The following NT5DC1 variants were observed in gnomAD, a reference collection of about 807,000 sequenced individuals.
The protein encoded by NT5DC1 is 5'-nucleotidase domain containing 1, also known as 5'-nucleotidase domain-containing protein 1.
NT5DC1 carries 42 observed loss-of-function variants against 59.4 expected under a neutral mutation model. The observed-to-expected ratio is 0.71, with a 90% CI of 0.55 to 0.92. The LOEUF (loss-of-function observed/expected upper bound fraction) is 0.92, where lower values mean the gene tolerates loss of function less well. NT5DC1 is among the 40% of genes least tolerant of loss of function. The probability of loss-of-function intolerance (pLI) is 0.00; values close to 1 mark genes in which losing one functional copy is unlikely to be tolerated. For missense variants in NT5DC1, 501 were observed against 537.1 expected (o/e 0.93, Z 0.66); for synonymous variants, 172 against 188.1 (o/e 0.91, Z 0.70).
intron 6 of NT5DC1, among the ~76,000 whole-genome samples, chr6:116,180,814 A>C (rs1362861215): frequency 6.6e-6 from 1 of 152,082 alleles, no homozygotes; most frequent in Non-Finnish European, 1.5e-5. Flanking sequence ...GGAGAACTGT[A>C]GGTTAGAGGA....
intron 6 of NT5DC1, among the ~76,000 whole-genome samples, chr6:116,200,730 A>G (rs1426326367): frequency 6.6e-6 from 1 of 151,954 alleles, no homozygotes; most frequent in Non-Finnish European, 1.5e-5. Flanking sequence ...TATGGATCGT[A>G]CTTCATCTCT....
chr6:116,217,799 C>A lies in NT5DC1; in HGVS notation c.530-3255C>A, dbSNP rs192361241. Among the ~76,000 whole-genome samples, 25 of 152,156 alleles carry A rather than the reference C, an allele frequency of 1.6e-4. No homozygotes were observed. In the East Asian group the frequency reaches 4.4e-3, roughly 27 times the overall value. ...TCTTGCCTTTAGAAGTTTATAGTTT[C>A]TTTGGGGGATATAATTTAATAGACA... On this transcript the variant is annotated intron_variant, in intron 6 of 11. Transcript: ENST00000319550.
intron 6 of NT5DC1, among the ~76,000 whole-genome samples, chr6:116,151,136 C>T (rs976573164): frequency 2.0e-5 from 3 of 152,130 alleles, no homozygotes; most frequent in Admixed American, 1.3e-4. Flanking sequence ...ATCATCTGCT[C>T]AGCCTTCTTT....
intron 4 of NT5DC1, among the ~76,000 whole-genome samples, chr6:116,112,196 G>T (rs541544145): frequency 6.6e-6 from 1 of 152,296 alleles, no homozygotes; most frequent in Admixed American, 6.5e-5. Context: ...GAGTTTATCT[G>T]TACCTACTTG....
chr6:116,105,057 A>G (rs1778742783), intron 1 of NT5DC1, among the ~76,000 whole-genome samples: 1 of 152,182 alleles, frequency 6.6e-6, no homozygotes, highest in Non-Finnish European at 1.5e-5. Flanking sequence ...GTTGACCTGG[A>G]TAAGGTCACA....
chr6:116,144,739 G>A (rs1272977492), intron 6 of NT5DC1, among the ~76,000 whole-genome samples: 1 of 152,146 alleles, frequency 6.6e-6, no homozygotes, highest in Non-Finnish European at 1.5e-5. Context: ...AAGGGGAGTG[G>A]GTGGGATAGC....
chr6:116,154,905 TAAAAA>T (rs1157300366), intron 6 of NT5DC1, among the ~76,000 whole-genome samples: 2 of 152,116 alleles, frequency 1.3e-5, no homozygotes, highest in African/African-American at 2.4e-5. Context: ...CTTCATAAGA[TAAAAA>T]TAAAAAACAT....
At chr6:116,104,562 G>A (rs546560753) in intron 1 of NT5DC1, among the ~76,000 whole-genome samples, 79 of 152,318 alleles carry the variant, frequency 5.2e-4, no homozygotes, top group African/African-American at 1.8e-3. Flanking sequence ...ACAGGCCATG[G>A]TGGGAATATT....
chr6:116,207,835 T>A (rs562870919), intron 6 of NT5DC1, among the ~76,000 whole-genome samples: 118 of 152,074 alleles, frequency 7.8e-4, no homozygotes, highest in Admixed American at 3.5e-3. Context: ...CTTTCTTTAC[T>A]CTGTGCCTCA....
intron 6 of NT5DC1, chr6:116,137,156 T>A (rs1035232464): frequency 2.0e-5 from 4 of 196,858 alleles, no homozygotes; most frequent in Non-Finnish European, 3.5e-5. Context: ...CTTGCGTAGA[T>A]GTGGCTGCCA....
At position 116,239,073 on chromosome 6, in the gene NT5DC1, G is replaced by C. The variant is rs781218372; in HGVS notation, c.1202G>C (p.Arg401Thr). The C allele has an allele frequency of 3.1e-6, 5 of 1,612,268 alleles. No homozygotes were observed. In the Admixed American group the frequency reaches 8.3e-5, roughly 27 times the overall value. The change falls in exon 11 of 12, where the codon AGA becomes ACA. Residue 401 changes from arginine to threonine, a missense_variant. Transcript: ENST00000319550. ...TTGGTTTATACATGGTCTTGTAAGA[G>C]AATCAGTACTTACAGCACTATTGCA... ...DSLVYTWSCK[R>T]ISTYSTIAIP...
rs1771843847 is a variant in NT5DC1, at chr6:116,246,214, G to C, written c.*2190G>C. ...ACAGGCAAACATTCATAATCTAAAG[G>C]ACACCTAAAAATAGATGTAAGCGAG... On this transcript the variant is annotated 3_prime_UTR_variant, in exon 12 of 12. Coordinates refer to ENST00000319550, the MANE Select transcript of NT5DC1 (RefSeq NM_152729.3). 1 of 152,020 alleles carries C rather than the reference G, an allele frequency of 6.6e-6. No individual in the cohort carries two copies. Among genetic ancestry groups the C allele is most frequent in the South Asian group, 2.1e-4 (1 of 4,820 alleles). The allele number at this position is 152,020 out of a possible 1,614,324, so 9.4% of individuals were successfully genotyped here.
intron 6 of NT5DC1, among the ~76,000 whole-genome samples, chr6:116,163,306 T>G (rs1396723757): frequency 6.6e-6 from 1 of 151,354 alleles, no homozygotes. Context: ...TAATTTGTTG[T>G]TATTGGTCTG....
chr6:116,112,145 T>G (rs553284835), intron 4 of NT5DC1, among the ~76,000 whole-genome samples: 109 of 152,228 alleles, frequency 7.2e-4, no homozygotes, highest in Non-Finnish European at 1.3e-3. Context: ...TAGCTTCATC[T>G]GGCACTTACT....
intron 6 of NT5DC1, among the ~76,000 whole-genome samples, chr6:116,142,059 T>C (rs551089363): frequency 1.6e-4 from 24 of 152,242 alleles, no homozygotes; most frequent in African/African-American, 5.5e-4. Flanking sequence ...ATAGCTGATT[T>C]GTACATGGTA....
Position 116,175,576 on chromosome 6 carries a change from T to C in NT5DC1, c.530-45478T>C, listed in dbSNP as rs1780716272. Among the ~76,000 whole-genome samples, 2 of 152,210 alleles carry C rather than the reference T, an allele frequency of 1.3e-5. 1 individual carries two copies. The highest frequency in any genetic ancestry group is 4.1e-4 in the South Asian group (2 of 4,832). On this transcript the variant is annotated intron_variant, in intron 6 of 11. Transcript: ENST00000319550. ...TATGTTGGACCATTTGATAATGTCT[T>C]ACAGTTTGTGGATGCCCTGTTCCTT...
intron 6 of NT5DC1, among the ~76,000 whole-genome samples, chr6:116,194,750 G>A (rs2114498351): frequency 6.6e-6 from 1 of 152,122 alleles, no homozygotes; most frequent in East Asian, 1.9e-4. Context: ...AGAAGAGTTA[G>A]AAACAAATGA....
intron 6 of NT5DC1, chr6:116,137,039 T>C (rs1779625087): frequency 5.2e-6 from 1 of 190,594 alleles, no homozygotes; most frequent in Admixed American, 5.0e-5. Flanking sequence ...CACTGTTAAG[T>C]CCTTGCAGTG....
intron 6 of NT5DC1, among the ~76,000 whole-genome samples, chr6:116,138,372 C>T (rs1233133812): frequency 6.6e-6 from 1 of 152,204 alleles, no homozygotes; most frequent in East Asian, 1.9e-4. Context: ...CTAGGAACTA[C>T]TGTGTTGGCT....
Sources: allele counts gnomAD v4.1 joint callset (sites outside exome capture counted in the v4.1 genomes callset), GRCh38; gene constraint gnomAD v4.1.1; transcripts MANE v1.5; gene names NCBI Gene and HGNC (gene_info 2026-07-23, HGNC 2026-07-21).